The following TNS3 variants were observed in gnomAD, a reference collection of about 807,000 sequenced individuals.
TNS3 encodes the protein tensin-3.
TNS3 carries 45 observed loss-of-function variants against 140.9 expected under a neutral mutation model. The ratio of observed to expected loss-of-function variants is 0.32; its 90% confidence interval spans 0.25 to 0.41. The LOEUF is 0.41. Ranked by LOEUF, TNS3 falls within the 10% of genes least tolerant of loss-of-function variation. TNS3 has a pLI of 1.00. For missense variants in TNS3, 1,716 were observed against 1,906.7 expected (o/e 0.90, Z 1.86); for synonymous variants, 815 against 788.4 (o/e 1.03, Z -0.56).
Position 47,519,274 on chromosome 7 carries a change from G to A in TNS3, c.-153+9762C>T, listed in dbSNP as rs866417702. Among the ~76,000 whole-genome samples the A allele has an allele frequency of 2.1e-5, 3 of 144,176 alleles. 1 individual carries two copies. In the South Asian group the frequency reaches 6.6e-4, roughly 32 times the overall value. 94.6% of individuals were successfully genotyped at this position (144,176 alleles called of 152,430 possible). A position where few individuals can be genotyped will look rare whatever the true frequency, so the allele number is the denominator to read the frequency against. On this transcript the variant is annotated intron_variant, in intron 2 of 30. Coordinates refer to ENST00000311160, the MANE Select transcript of TNS3 (RefSeq NM_022748.12). ...GATATCCCCCCCCAACACAAGGCAC[G>A]GGTGCAAAGGAGAATGTCTCTGCAT...
chr7:47,414,411 T>C (rs1209563064), intron 11 of TNS3, among the ~76,000 whole-genome samples: 2 of 152,312 alleles, frequency 1.3e-5, no homozygotes, highest in East Asian at 3.9e-4. Flanking sequence ...CCATGTGCTG[T>C]GTGTGCCTGC....
chr7:47,464,127 A>G (rs1330291896), intron 4 of TNS3, among the ~76,000 whole-genome samples: 2 of 152,176 alleles, frequency 1.3e-5, no homozygotes, highest in African/African-American at 4.8e-5. Flanking sequence ...AGGAAGCTCC[A>G]GGGTGGCAAG....
intron 1 of TNS3, among the ~76,000 whole-genome samples, chr7:47,540,182 A>C (rs1799744343): frequency 6.6e-6 from 1 of 152,130 alleles, no homozygotes; most frequent in South Asian, 2.1e-4. Flanking sequence ...TCTTCCCAGG[A>C]ACAAAACGAG....
intron 20 of TNS3, among the ~76,000 whole-genome samples, chr7:47,341,115 CT>C (rs775033664): frequency 5.3e-5 from 8 of 152,126 alleles, no homozygotes; most frequent in Non-Finnish European, 1.0e-4. Context: ...GTGTGTCAAT[CT>C]TTTTATATAT....
In TNS3 at chr7:47,350,455, G is replaced by A. The variant is rs1054177759; in HGVS notation, c.2282-4099C>T. Reference sequence around the variant, plus strand: ...TTCCAAAGGGTCTGAGTGCACAGCAGTCTAGAGAAAAGGAAGGAGGGACAG... The same window carrying A: ...TTCCAAAGGGTCTGAGTGCACAGCAATCTAGAGAAAAGGAAGGAGGGACAG... On this transcript the variant is annotated intron_variant, in intron 17 of 30. Coordinates refer to ENST00000311160, the MANE Select transcript of TNS3 (RefSeq NM_022748.12). 7.2e-5 allele frequency among the ~76,000 whole-genome samples: 11 copies of A among 152,246 alleles called. No homozygotes were observed. The East Asian group carries it at 1.9e-3, about 27-fold the overall frequency.
intron 24 of TNS3, 86 bp downstream of exon 24, chr7:47,296,993 GTCA>G: frequency 4.0e-6 from 6 of 1,495,364 alleles, no homozygotes; most frequent in Middle Eastern, 1.9e-4. Context: ...TATTGTTAAA[GTCA>G]TCTTTTATTT....
At chr7:47,282,946 C>G (rs1785226503) in intron 28 of TNS3, among the ~76,000 whole-genome samples, 1 of 151,946 alleles carries the variant, frequency 6.6e-6, no homozygotes, top group South Asian at 2.1e-4. Flanking sequence ...CGGGGAGCAT[C>G]CTGGGAAAGC....
At chr7:47,446,688 C>CTTTTTTTTTTTTTTTTTTTTTT (rs144042398) in intron 4 of TNS3, among the ~76,000 whole-genome samples, 2 of 96,730 alleles carry the variant, frequency 2.1e-5, no homozygotes, top group Non-Finnish European at 2.0e-5. Flanking sequence ...TCCAGGCTGC[C>CTTTTTTTTTTTTTTTTTTTTTT]TTTTTTTTTT....
At position 47,358,743 on chromosome 7, in the gene TNS3, A is replaced by G. The variant is rs1790149577; in HGVS notation, c.2281+9622T>C. Among the ~76,000 whole-genome samples, 4 of 152,128 alleles carry G rather than the reference A, an allele frequency of 2.6e-5. No individual in the cohort carries two copies. The South Asian group carries it at 6.2e-4, about 24-fold the overall frequency. On this transcript the variant is annotated intron_variant, in intron 17 of 30. Coordinates refer to ENST00000311160, the MANE Select transcript of TNS3 (RefSeq NM_022748.12). Reference sequence around the variant, plus strand: ...GGACATGTGGCATGATTGGAAAAAGACCATGTTGCTTTATGTCCCTGAGAC... The same window carrying G: ...GGACATGTGGCATGATTGGAAAAAGGCCATGTTGCTTTATGTCCCTGAGAC...
chr7:47,490,883 C>T (rs1180543943), intron 3 of TNS3, among the ~76,000 whole-genome samples: 2 of 152,184 alleles, frequency 1.3e-5, no homozygotes, highest in East Asian at 1.9e-4. Context: ...CCCAGCAATG[C>T]GCACAGCCCC....
intron 4 of TNS3, among the ~76,000 whole-genome samples, chr7:47,454,793 T>C (rs1236788752): frequency 6.6e-5 from 10 of 152,128 alleles, no homozygotes; most frequent in Non-Finnish European, 1.5e-4. Flanking sequence ...CTCCCATCCA[T>C]AGGCGAGCAA....
chr7:47,315,417 T>C (rs977211181), intron 20 of TNS3, among the ~76,000 whole-genome samples: 2 of 152,186 alleles, frequency 1.3e-5, no homozygotes, highest in Non-Finnish European at 1.5e-5. Flanking sequence ...ACTTCAGGAA[T>C]GTCTATGCTC....
At chr7:47,546,592 A>G (rs559461701) in intron 1 of TNS3, among the ~76,000 whole-genome samples, 4 of 152,170 alleles carry the variant, frequency 2.6e-5, no homozygotes, top group Non-Finnish European at 4.4e-5. Flanking sequence ...AAATATCACT[A>G]AAGTATACTT....
chr7:47,346,657 G>A (rs1789362791), intron 17 of TNS3, among the ~76,000 whole-genome samples: 1 of 152,200 alleles, frequency 6.6e-6, no homozygotes, highest in South Asian at 2.1e-4. Flanking sequence ...TCTCAGTGCT[G>A]GGAAAGGACA....
intron 20 of TNS3, among the ~76,000 whole-genome samples, chr7:47,307,524 T>C (rs1402225252): frequency 1.3e-5 from 2 of 152,252 alleles, no homozygotes; most frequent in Non-Finnish European, 2.9e-5. Flanking sequence ...TAAGTGTCTA[T>C]GTAACTTTTT....
At chr7:47,526,254 G>A (rs553405577) in intron 2 of TNS3, among the ~76,000 whole-genome samples, 1 of 152,296 alleles carries the variant, frequency 6.6e-6, no homozygotes, top group South Asian at 2.1e-4. Flanking sequence ...TCCTCAAGCA[G>A]TATAACCAAC....
At chr7:47,331,382 C>T (rs1269333751) in intron 20 of TNS3, among the ~76,000 whole-genome samples, 1 of 152,160 alleles carries the variant, frequency 6.6e-6, no homozygotes, top group Non-Finnish European at 1.5e-5. Flanking sequence ...GTTCTTGAGA[C>T]TCAAGTGGAG....
chr7:47,564,495 G>A (rs1259580329), intron 1 of TNS3, among the ~76,000 whole-genome samples: 1 of 151,732 alleles, frequency 6.6e-6, no homozygotes, highest in Non-Finnish European at 1.5e-5. Context: ...AATTTGCCAG[G>A]CCTGGTGGCA....
intron 4 of TNS3, among the ~76,000 whole-genome samples, chr7:47,447,948 C>G (rs1374134038): frequency 6.6e-6 from 1 of 152,244 alleles, no homozygotes; most frequent in Non-Finnish European, 1.5e-5. Flanking sequence ...TTCTGCACAT[C>G]TGGGAGCAGA....
Sources: allele counts gnomAD v4.1 joint callset (sites outside exome capture counted in the v4.1 genomes callset), GRCh38; gene constraint gnomAD v4.1.1; transcripts MANE v1.5; gene names NCBI Gene and HGNC (gene_info 2026-07-23, HGNC 2026-07-21).